The following CCDC77 variants were observed in gnomAD, a reference collection of about 807,000 sequenced individuals.
CCDC77 encodes the protein coiled-coil domain containing 77, also known as coiled-coil domain-containing protein 77.
Under a neutral mutation model 66.8 loss-of-function variants are expected in CCDC77, and 56 were observed. The observed-to-expected ratio is 0.84, with a 90% confidence interval of 0.68 to 1.05. The LOEUF (loss-of-function observed/expected upper bound fraction) is 1.05, where lower values mean the gene tolerates loss of function less well. CCDC77 is among the 50% of genes least tolerant of loss of function. The probability of loss-of-function intolerance (pLI) is 0.00; values close to 1 mark genes in which losing one functional copy is unlikely to be tolerated. For missense variants in CCDC77, 570 were observed against 576.8 expected (o/e 0.99, Z 0.12); for synonymous variants, 196 against 195.2 (o/e 1.00, Z -0.03).
chr12:412,526 T>C (rs190053513), intron 4 of CCDC77, among the ~76,000 whole-genome samples: 1 of 152,354 alleles, frequency 6.6e-6, no homozygotes, highest in Non-Finnish European at 1.5e-5. Flanking sequence ...GGGGTTGTCC[T>C]GTGCGTGATG....
At chr12:434,984 A>T (rs923349682) in intron 9 of CCDC77, among the ~76,000 whole-genome samples, 1 of 149,824 alleles carries the variant, frequency 6.7e-6, no homozygotes, top group African/African-American at 2.5e-5. Flanking sequence ...ATCTAGTTTC[A>T]TGGTATCACA....
intron 8 of CCDC77, 150 bp from the exon 9 acceptor site, chr12:433,024 C>A (rs1945679742): frequency 1.1e-6 from 1 of 892,446 alleles, no homozygotes; most frequent in African/African-American, 1.7e-5. Flanking sequence ...CAGAGCAAGA[C>A]CTTGTCTTGA....
At chr12:393,555 CAG>C (rs1377385847) in intron 1 of CCDC77, among the ~76,000 whole-genome samples, 1 of 147,262 alleles carries the variant, frequency 6.8e-6, no homozygotes, top group Non-Finnish European at 1.5e-5. Context: ...TTTTTTGAGA[CAG>C]AGTCTCGCCC....
At chr12:441,134 T>C in intron 12 of CCDC77, 138 bp downstream of exon 12, 1 of 874,834 alleles carries the variant, frequency 1.1e-6, no homozygotes, top group Non-Finnish European at 1.8e-6. Context: ...CAAGCCTCCC[T>C]GAAAATTAGT....
Position 436,253 on chromosome 12 carries a change from G to A in CCDC77, c.822-2082G>A, listed in dbSNP as rs527839670. On this transcript the variant is annotated intron_variant, in intron 9 of 12. Coordinates refer to ENST00000239830, the MANE Select transcript of CCDC77 (RefSeq NM_032358.4). ...CTGCCTCAGCCTCCTGAGTAGCTGGGACTACAGGCGCCCACCACCACGCCC... is the reference window on the plus strand; with the variant it reads ...CTGCCTCAGCCTCCTGAGTAGCTGGAACTACAGGCGCCCACCACCACGCCC... Among the ~76,000 whole-genome samples the A allele has an allele frequency of 3.1e-3, 468 of 151,468 alleles. 3 individuals are homozygous for A. Among genetic ancestry groups the A allele is most frequent in the Non-Finnish European group, 5.1e-3 (344 of 67,840 alleles).
chr12:414,089 G>A (rs1945173743), intron 4 of CCDC77, among the ~76,000 whole-genome samples: 1 of 149,186 alleles, frequency 6.7e-6, no homozygotes, highest in Non-Finnish European at 1.5e-5. Flanking sequence ...TTCCTTTCTT[G>A]ATTTCCTTTT....
chr12:439,979 A>G (rs1311621133), intron 10 of CCDC77, among the ~76,000 whole-genome samples: 2 of 152,206 alleles, frequency 1.3e-5, no homozygotes, highest in Admixed American at 1.3e-4. Context: ...GAGGAAGAAC[A>G]TTCCTGGCAG....
In CCDC77 at chr12:428,760, G is replaced by A; in HGVS notation, c.414-9G>A. 1.9e-6 allele frequency: 3 copies of A among 1,589,126 alleles called. No homozygotes were observed. The highest frequency in any genetic ancestry group is 2.6e-6 in the Non-Finnish European group (3 of 1,163,456). The stretch of plus-strand genomic sequence containing the variant: ...AATAATATGTGCTTGCTTTCCATGA[G>A]AATTGCAGGGAGCTAGAAGACAAGA... On this transcript the variant is annotated splice_polypyrimidine_tract_variant and intron_variant, in intron 5 of 12. Coordinates refer to ENST00000239830, the MANE Select transcript of CCDC77 (RefSeq NM_032358.4).
chr12:442,119 C>A lies in CCDC77; in HGVS notation c.*199C>A. The A allele has an allele frequency of 1.7e-6, 1 of 588,976 alleles. No homozygotes were observed. The highest frequency in any genetic ancestry group is 3.0e-6 in the Non-Finnish European group (1 of 337,246). 36.5% of individuals were successfully genotyped at this position (588,976 alleles called of 1,614,324 possible). A position where few individuals can be genotyped will look rare whatever the true frequency, so the allele number is the denominator to read the frequency against. On this transcript the variant is annotated 3_prime_UTR_variant, in exon 13 of 13. Transcript: ENST00000239830. Reference sequence around the variant, plus strand: ...CAGCTTGCTTTATCATTTTTGCTGTCCTTTTAACACTTGCGAGGAGTAGGG... The same window carrying A: ...CAGCTTGCTTTATCATTTTTGCTGTACTTTTAACACTTGCGAGGAGTAGGG...
intron 3 of CCDC77, among the ~76,000 whole-genome samples, chr12:411,016 G>A (rs779041645): frequency 2.0e-5 from 3 of 150,540 alleles, no homozygotes; most frequent in South Asian, 2.1e-4. Context: ...AGGCTCAAGC[G>A]ATCCTCCCAC....
intron 1 of CCDC77, chr12:389,621 G>C (rs989839883): frequency 1.0e-5 from 2 of 196,960 alleles, no homozygotes; most frequent in African/African-American, 5.2e-5. Context: ...TTCCGGCGCG[G>C]AGGAATGTGT....
rs931536703 is a variant in CCDC77, at chr12:415,328, A to G, written c.271-3166A>G. 2.1e-3 allele frequency among the ~76,000 whole-genome samples: 188 copies of G among 90,482 alleles called. 10 individuals are homozygous for G. The highest frequency in any genetic ancestry group is 0.01 in the East Asian group (14 of 1,346). The allele number at this position is 90,482 out of a possible 152,430, so 59.4% of individuals were successfully genotyped here. A position where few individuals can be genotyped will look rare whatever the true frequency, so the allele number is the denominator to read the frequency against. On this transcript the variant is annotated intron_variant, in intron 4 of 12. Coordinates refer to ENST00000239830, the MANE Select transcript of CCDC77 (RefSeq NM_032358.4). ...ATAATATTATGTTAATATAATCAACATAATATTATGTTAATATAATCAACA... is the reference window on the plus strand; with the variant it reads ...ATAATATTATGTTAATATAATCAACGTAATATTATGTTAATATAATCAACA...
intron 5 of CCDC77, among the ~76,000 whole-genome samples, chr12:425,181 T>C (rs923766990): frequency 6.6e-6 from 1 of 151,758 alleles, no homozygotes; most frequent in African/African-American, 2.4e-5. Context: ...TCTGCCCTCC[T>C]CAGCCTCCCA....
chr12:438,490 A>T lies in CCDC77; in HGVS notation c.977A>T (p.Asp326Val), dbSNP rs374798431. 11 of 1,614,140 alleles carry T rather than the reference A, an allele frequency of 6.8e-6. No individual in the cohort carries two copies. In the African/African-American group the frequency reaches 8.0e-5, roughly 12 times the overall value. Reference protein sequence around the residue: ...QYRVQCKKKEDKIGKVLPVMH... With the variant: ...QYRVQCKKKEVKIGKVLPVMH... ...AGGGTGCAGTGTAAGAAGAAAGAAG[A>T]TAAAATTGGAAAAGTGTTGCCCGTT... is the stretch of plus-strand genomic sequence containing the variant. Residue 326 changes from aspartate (D) to valine (V), a missense_variant, in exon 10 of 13, where the codon GAT becomes GTT. Coordinates refer to ENST00000239830, the MANE Select transcript of CCDC77 (RefSeq NM_032358.4).
chr12:441,817 G>A lies in CCDC77; in HGVS notation c.1364G>A (p.Cys455Tyr). The A allele has an allele frequency of 6.2e-7, 1 of 1,611,692 alleles. No homozygotes were observed. The highest frequency in any genetic ancestry group is 8.5e-7 in the Non-Finnish European group (1 of 1,179,790). ...GCAAACCAGGATCTTGCCCTTCTGT[G>A]TGAGGTCCGTGACAGCAATAGACGG... ...ARANQDLALL[C>Y]EVRDSNRRAH... is the part of the protein sequence containing the mutation. Residue 455 changes from cysteine to tyrosine, a missense_variant, in exon 13 of 13, where the codon TGT becomes TAT. Cys to Tyr is a radical substitution (Grantham distance 194). Transcript: ENST00000239830.
Position 431,870 on chromosome 12 carries a change from TA to T in CCDC77, c.592del (p.Ile198Ter). 1 of 1,601,350 alleles carries T rather than the reference TA, an allele frequency of 6.2e-7. No homozygotes were observed. Among genetic ancestry groups the T allele is most frequent in the Non-Finnish European group, 8.5e-7 (1 of 1,172,974 alleles). ...SESSAFKADP[K>X]ISKRRPSRER... ...GGATTTTGTTTTCTATTTTAGATCC[TA>T]AAATAAGCAAAAGAAGACCATCGAG... On this transcript the variant is annotated frameshift_variant, in exon 8 of 13. Transcript: ENST00000239830. LOFTEE classifies it high-confidence loss of function.
intron 4 of CCDC77, among the ~76,000 whole-genome samples, chr12:416,983 AC>A (rs1317124796): frequency 6.6e-6 from 1 of 152,086 alleles, no homozygotes; most frequent in Non-Finnish European, 1.5e-5. Context: ...TATTAAAAAT[AC>A]AAAAATTAGC....
chr12:391,065 A>G (rs1343193361), intron 1 of CCDC77, among the ~76,000 whole-genome samples: 4 of 152,234 alleles, frequency 2.6e-5, no homozygotes, highest in Non-Finnish European at 5.9e-5. Context: ...AAGTGGGAAA[A>G]TTCCAATTTT....
chr12:416,830 A>G (rs1945295094), intron 4 of CCDC77, among the ~76,000 whole-genome samples: 1 of 151,546 alleles, frequency 6.6e-6, no homozygotes, highest in Non-Finnish European at 1.5e-5. Flanking sequence ...AGGATTTGTC[A>G]GGCATGGTGG....
Sources: gnomAD v4.1 joint callset for allele counts (sites outside exome capture counted in the v4.1 genomes callset) on GRCh38, gnomAD v4.1.1 for gene constraint, MANE v1.5 for transcripts, NCBI Gene and HGNC (gene_info 2026-07-23, HGNC 2026-07-21) for gene names.